ACER1: variants seen among roughly 807,000 people sequenced by gnomAD.
ACER1 encodes alkaline ceramidase 1.
In ACER1, 28 loss-of-function variants were observed where a neutral mutation model predicts 24.9. That is an observed-to-expected ratio of 1.13 (90% CI 0.83 to 1.54). The LOEUF (loss-of-function observed/expected upper bound fraction) is 1.54, where lower values mean the gene tolerates loss of function less well. Among genes scored for constraint, ACER1 ranks in the 40% most tolerant of loss-of-function variants. The pLI is 0.00. For synonymous variants in ACER1, 132 were observed against 131.4 expected (o/e 1.00, Z -0.03); for missense variants, 352 against 349.3 (o/e 1.01, Z -0.06).
rs1469753068 is a variant in ACER1, at chr19:6,306,169, T to A, written c.*545A>T. 1 of 152,396 alleles carries A rather than the reference T, an allele frequency of 6.6e-6. No individual in the cohort carries two copies. The highest frequency in any genetic ancestry group is 6.5e-5 in the Admixed American group (1 of 15,280). The allele number at this position is 152,396 out of a possible 1,614,324, so 9.4% of individuals were successfully genotyped here. ...TTCAAGCGATTCTCCTGCCTCAGCC[T>A]CCCAAGTAGCTGAGATTACAGGCAT... is the stretch of plus-strand genomic sequence containing the variant. On this transcript the variant is annotated 3_prime_UTR_variant, in exon 6 of 6. Transcript: ENST00000301452.
upstream of ACER1, among the ~76,000 whole-genome samples, chr19:6,338,082 A>C (rs184750943): frequency 5.1e-3 from 696 of 136,466 alleles, 5 homozygotes; most frequent in African/African-American, 0.02. Flanking sequence ...ACCCTGTCTC[A>C]AAAAAAAATA....
the ACER1 span, among the ~76,000 whole-genome samples, chr19:6,339,486 C>T: frequency 6.6e-6 from 1 of 151,884 alleles, no homozygotes; most frequent in African/African-American, 2.4e-5. Context: ...GTGAGTGTTT[C>T]TTGGGGACAG....
At chr19:6,357,589 T>C in the ACER1 span, among the ~76,000 whole-genome samples, 28 of 151,942 alleles carry the variant, frequency 1.8e-4, no homozygotes, top group East Asian at 4.9e-3. Flanking sequence ...CTGGCCAACA[T>C]GGTGAAACCC....
At chr19:6,360,128 A>C in the ACER1 span, 1 of 151,738 alleles carries the variant, frequency 6.6e-6, no homozygotes, top group Non-Finnish European at 1.5e-5. Flanking sequence ...CAGCTAACAA[A>C]CTCCTACTTA....
At chr19:6,352,615 C>A in the ACER1 span, among the ~76,000 whole-genome samples, 25 of 152,182 alleles carry the variant, frequency 1.6e-4, no homozygotes, top group Non-Finnish European at 1.5e-5. Context: ...GGTGTATGAA[C>A]AACTCTGCCA....
chr19:6,309,853 A>T lies in ACER1; in HGVS notation c.351-19T>A. The stretch of plus-strand genomic sequence containing the variant: ...CTGGGACCTGGGGAGGAAGGGGCTC[A>T]GCTGTAGGCGGGAAGGGAGGTCCTG... On this transcript the variant is annotated intron_variant, in intron 3 of 5. Transcript: ENST00000301452. The T allele has an allele frequency of 6.2e-7, 1 of 1,613,696 alleles. No individual in the cohort carries two copies. Among genetic ancestry groups the T allele is most frequent in the Non-Finnish European group, 8.5e-7 (1 of 1,179,838 alleles).
At chr19:6,318,083 A>G (rs929572682) in intron 1 of ACER1, among the ~76,000 whole-genome samples, 17 of 152,140 alleles carry the variant, frequency 1.1e-4, no homozygotes, top group Admixed American at 7.9e-4. Flanking sequence ...GCACTTTGTG[A>G]GGGTGAGGCG....
rs1375499889 is a variant in ACER1 at position 6,333,526 on chromosome 19, C to T, written c.26G>A (p.Ser9Asn). 1.3e-6 allele frequency: 2 copies of T among 1,588,308 alleles called. No individual in the cohort carries two copies. Among genetic ancestry groups the T allele is most frequent in the Non-Finnish European group, 8.6e-7 (1 of 1,166,562 alleles). Residue 9 changes from serine to asparagine, a missense_variant, in exon 1 of 6, where the codon AGC becomes AAC. By Grantham distance (46) the Ser-to-Asn change is conservative. Transcript: ENST00000301452. MPSIFAYQ[S>N]SEVDWCESNF... ...GCTCTCACACCAGTCCACCTCGGAG[C>T]TCTGATAGGCGAAGATGCTAGGCAT...
intron 3 of ACER1, among the ~76,000 whole-genome samples, chr19:6,310,526 C>T (rs1356279908): frequency 6.6e-6 from 1 of 151,898 alleles, no homozygotes; most frequent in Non-Finnish European, 1.5e-5. Context: ...GCCAAGATCA[C>T]GCCACGGCAC....
intron 1 of ACER1, among the ~76,000 whole-genome samples, chr19:6,330,360 G>T (rs1600244810): frequency 6.7e-6 from 1 of 149,416 alleles, no homozygotes; most frequent in African/African-American, 2.5e-5. Flanking sequence ...TAGAGATGGG[G>T]TTTCACCATG....
At chr19:6,358,879 G>A in the ACER1 span, among the ~76,000 whole-genome samples, 2 of 146,816 alleles carry the variant, frequency 1.4e-5, no homozygotes, top group African/African-American at 5.2e-5. Flanking sequence ...GTTGTGGTGA[G>A]CCGAGATTGT....
chr19:6,324,857 G>A (rs979976494), intron 1 of ACER1, among the ~76,000 whole-genome samples: 19 of 86,768 alleles, frequency 2.2e-4, no homozygotes, highest in African/African-American at 5.3e-4. Flanking sequence ...AAGAGAGAGA[G>A]AGAAAGGAAG....
chr19:6,326,610 C>A (rs1348826230), intron 1 of ACER1, among the ~76,000 whole-genome samples: 1 of 151,792 alleles, frequency 6.6e-6, no homozygotes, highest in African/African-American at 2.4e-5. Flanking sequence ...AAGCAGAGAC[C>A]TTATGCCCCA....
the ACER1 span, among the ~76,000 whole-genome samples, chr19:6,358,697 G>T: frequency 2.6e-5 from 4 of 151,786 alleles, no homozygotes; most frequent in Non-Finnish European, 5.9e-5. Flanking sequence ...ACTTTGGGAG[G>T]CTGAGGCGGG....
chr19:6,312,113 A>G, intron 3 of ACER1, 36 bp downstream of exon 3: 1 of 1,606,558 alleles, frequency 6.2e-7, no homozygotes, highest in South Asian at 1.1e-5. Flanking sequence ...GAAGACTCAG[A>G]CCCCACCCTG....
the ACER1 span, among the ~76,000 whole-genome samples, chr19:6,357,451 CA>C: frequency 1.3e-5 from 2 of 151,094 alleles, no homozygotes; most frequent in Non-Finnish European, 2.9e-5. Context: ...GGGGGGTCAG[CA>C]GGGGGGACGG....
chr19:6,339,510 A>G, the ACER1 span, among the ~76,000 whole-genome samples: 1 of 152,036 alleles, frequency 6.6e-6, no homozygotes, highest in Non-Finnish European at 1.5e-5. Context: ...TTCAGTTTGG[A>G]AAGATGAGAA....
At chr19:6,307,332 A>G in intron 4 of ACER1, 42 bp from the exon 5 acceptor site, 1 of 1,608,566 alleles carries the variant, frequency 6.2e-7, no homozygotes, top group Non-Finnish European at 8.5e-7. Context: ...CTCGGAGAGC[A>G]GCACCTGATG....
intron 4 of ACER1, among the ~76,000 whole-genome samples, chr19:6,309,217 A>G (rs927857325): frequency 6.6e-6 from 1 of 151,146 alleles, no homozygotes; most frequent in Admixed American, 6.6e-5. Flanking sequence ...TAAATAAATA[A>G]ATAAAATAAA....
Sources: gnomAD v4.1 joint callset for allele counts (sites outside exome capture counted in the v4.1 genomes callset) on GRCh38, gnomAD v4.1.1 for gene constraint, MANE v1.5 for transcripts, NCBI Gene and HGNC (gene_info 2026-07-23, HGNC 2026-07-21) for gene names.